KIF13A: variants seen among roughly 807,000 people sequenced by gnomAD.
KIF13A encodes kinesin-like protein KIF13A.
KIF13A carries 79 observed loss-of-function variants against 212.2 expected under a neutral mutation model. That is an observed-to-expected ratio of 0.37 (90% CI 0.31 to 0.45). KIF13A has a LOEUF of 0.45. Among genes scored for constraint, KIF13A ranks in the 20% least tolerant of loss-of-function variants. The pLI is 1.00. For synonymous variants in KIF13A, 789 were observed against 808.6 expected (o/e 0.98, Z 0.41); for missense variants, 1,901 against 2,209.0 (o/e 0.86, Z 2.79).
intron 2 of KIF13A, among the ~76,000 whole-genome samples, chr6:17,933,225 C>T (rs938073086): frequency 6.6e-6 from 1 of 152,062 alleles, no homozygotes; most frequent in Admixed American, 6.6e-5. Flanking sequence ...GATTTTACAG[C>T]ACCTATAAAA....
chr6:17,915,949 AAAAATAAAAAT>A lies in KIF13A; in HGVS notation c.147-17780_147-17770del, dbSNP rs1561757709. On this transcript the variant is annotated intron_variant, in intron 2 of 38. Coordinates refer to ENST00000259711, the MANE Select transcript of KIF13A (RefSeq NM_022113.6). This position sits in a 1 kb window ranked among gnomAD's most constrained non-coding sequence, Gnocchi z 4.4. Reference sequence around the variant, plus strand: ...GAGAGCCAGTCTCAAAAAAAAAAATAAAAATAAAAATAAAATAAAATAAAATAAATTACAGT... The same window carrying A: ...GAGAGCCAGTCTCAAAAAAAAAAATAAAAATAAAATAAAATAAATTACAGT... Among the ~76,000 whole-genome samples the A allele has an allele frequency of 2.3e-4, 29 of 125,494 alleles. No homozygotes were observed. The highest frequency in any genetic ancestry group is 7.8e-4 in the African/African-American group (23 of 29,390). 82.3% of individuals were successfully genotyped at this position (125,494 alleles called of 152,430 possible).
In KIF13A at chr6:17,895,406, G is replaced by A. The variant is rs1772473313; in HGVS notation, c.159+2762C>T. Among the ~76,000 whole-genome samples, 1 of 152,078 alleles carries A rather than the reference G, an allele frequency of 6.6e-6. No homozygotes were observed. Among genetic ancestry groups the A allele is most frequent in the Non-Finnish European group, 1.5e-5 (1 of 67,998 alleles). ...AAGACTTAGGATTTCATTTACTTCT[G>A]CCAGGTGCCTATGGGCACCTGCATT... On this transcript the variant is annotated intron_variant, in intron 3 of 38. Transcript: ENST00000259711. This position sits in a 1 kb window ranked among gnomAD's most constrained non-coding sequence, Gnocchi z 4.4.
At chr6:17,950,091 T>C (rs1414030434) in intron 2 of KIF13A, among the ~76,000 whole-genome samples, 2 of 152,154 alleles carry the variant, frequency 1.3e-5, no homozygotes, top group Non-Finnish European at 2.9e-5. Context: ...CTGACCCAAA[T>C]AGTTTTCCTA....
intron 2 of KIF13A, among the ~76,000 whole-genome samples, chr6:17,962,415 A>G (rs1245816234): frequency 6.6e-6 from 1 of 152,222 alleles, no homozygotes; most frequent in African/African-American, 2.4e-5. Flanking sequence ...AGAAGCAATA[A>G]GTCATAAGGG....
chr6:17,931,023 T>A (rs1775940597), intron 2 of KIF13A, among the ~76,000 whole-genome samples: 1 of 152,246 alleles, frequency 6.6e-6, no homozygotes, highest in Admixed American at 6.5e-5. Context: ...CATATATGCA[T>A]AATATCCTTG....
chr6:17,823,421 C>T (rs1015533609), intron 16 of KIF13A, among the ~76,000 whole-genome samples: 3 of 151,106 alleles, frequency 2.0e-5, no homozygotes, highest in Non-Finnish European at 1.5e-5. Context: ...CCCCGCCCCC[C>T]ACTTCCCCCT....
Position 17,968,041 on chromosome 6 carries a change from A to G in KIF13A, c.146+19013T>C, listed in dbSNP as rs1412139606. 1.3e-5 allele frequency among the ~76,000 whole-genome samples: 2 copies of G among 152,306 alleles called. No homozygotes were observed. Among genetic ancestry groups the G allele is most frequent in the South Asian group, 4.1e-4 (2 of 4,822 alleles). ...GGACGGCATACTGAGAATTGCCCAC[A>G]ATGCTGAGAACCCCTGGGGGACTGA... On this transcript the variant is annotated intron_variant, in intron 2 of 38. Coordinates refer to ENST00000259711, the MANE Select transcript of KIF13A (RefSeq NM_022113.6). The surrounding 1 kb of genome is among the most constrained non-coding windows in gnomAD (Gnocchi z 4.7).
chr6:17,793,856 G>A (rs561000868), intron 25 of KIF13A, among the ~76,000 whole-genome samples: 1 of 152,094 alleles, frequency 6.6e-6, no homozygotes, highest in South Asian at 2.1e-4. Flanking sequence ...CAAGGCTGCA[G>A]TGAGCCATGA....
Position 17,963,835 on chromosome 6 carries a change from G to T in KIF13A, c.146+23219C>A, listed in dbSNP as rs559923230. Among the ~76,000 whole-genome samples the T allele has an allele frequency of 6.6e-6, 1 of 152,184 alleles. No individual in the cohort carries two copies. The highest frequency in any genetic ancestry group is 2.4e-5 in the African/African-American group (1 of 41,442). ...CTCCCAAAGTGTTGGGATTACGGGC[G>T]TGAGCCACCATGCCTGGCCAATATG... On this transcript the variant is annotated intron_variant, in intron 2 of 38. Coordinates refer to ENST00000259711, the MANE Select transcript of KIF13A (RefSeq NM_022113.6). The surrounding 1 kb of genome is among the most constrained non-coding windows in gnomAD (Gnocchi z 4.1).
chr6:17,858,115 ATGCACGCATGTGTGTGTGTGTGTGT>A (rs1325855651), intron 4 of KIF13A, among the ~76,000 whole-genome samples: 1,545 of 134,074 alleles, frequency 0.012, 13 homozygotes, highest in Non-Finnish European at 0.019. Context: ...GTGTGTGTGC[ATGCACGCATGTGTGTGTGTGTGTGT>A]GAGAGAGAGA....
At position 17,777,683 on chromosome 6, in the gene KIF13A, C is replaced by T. The variant is rs1760126670; in HGVS notation, c.4093-329G>A. Among the ~76,000 whole-genome samples, 1 of 152,126 alleles carries T rather than the reference C, an allele frequency of 6.6e-6. No individual in the cohort carries two copies. On this transcript the variant is annotated intron_variant, in intron 33 of 38. Transcript: ENST00000259711. This position sits in a 1 kb window ranked among gnomAD's most constrained non-coding sequence, Gnocchi z 4.4. ...ACAGGCGTGAGCCACCGCACCCGGCCATTACTTTATTTTTTATTCTAATTA... is the reference window on the plus strand; with the variant it reads ...ACAGGCGTGAGCCACCGCACCCGGCTATTACTTTATTTTTTATTCTAATTA...
At position 17,787,738 on chromosome 6, in the gene KIF13A, A is replaced by T. The variant is rs1263401693; in HGVS notation, c.3361+38T>A. ...ACCTACTGCCATTGTGTAAAAGTGA[A>T]AAAGCTACTCCCCATAAAAGAGTTT... On this transcript the variant is annotated intron_variant, in intron 27 of 38. Coordinates refer to ENST00000259711, the MANE Select transcript of KIF13A (RefSeq NM_022113.6). This position sits in a 1 kb window ranked among gnomAD's most constrained non-coding sequence, Gnocchi z 4.6. 1 of 1,213,160 alleles carries T rather than the reference A, an allele frequency of 8.2e-7. No individual in the cohort carries two copies. The highest frequency in any genetic ancestry group is 1.2e-6 in the Non-Finnish European group (1 of 815,208). 75.1% of individuals were successfully genotyped at this position (1,213,160 alleles called of 1,614,324 possible).
intron 2 of KIF13A, among the ~76,000 whole-genome samples, chr6:17,938,068 T>A (rs9358141): frequency 2.8e-4 from 2 of 7,038 alleles, no homozygotes; most frequent in East Asian, 3.6e-3. Context: ...AATTTTAAAA[T>A]TTTTTTTGTA....
In KIF13A at chr6:17,849,618, A is replaced by C. The variant is rs1343388101; in HGVS notation, c.718-129T>G. ...ATATGGCAAATTTCTTAAGTTTTTA[A>C]ACGGTCAGAAGAGTTATTTGAACCA... On this transcript the variant is annotated intron_variant, in intron 8 of 38. Coordinates refer to ENST00000259711, the MANE Select transcript of KIF13A (RefSeq NM_022113.6). This position sits in a 1 kb window ranked among gnomAD's most constrained non-coding sequence, Gnocchi z 5.7. 4 of 583,388 alleles carry C rather than the reference A, an allele frequency of 6.9e-6. No homozygotes were observed. The highest frequency in any genetic ancestry group is 1.2e-5 in the Non-Finnish European group (4 of 335,882). 36.1% of individuals were successfully genotyped at this position (583,388 alleles called of 1,614,324 possible).
chr6:17,924,068 G>T (rs374970157), intron 2 of KIF13A, among the ~76,000 whole-genome samples: 1 of 152,000 alleles, frequency 6.6e-6, no homozygotes, highest in African/African-American at 2.4e-5. Flanking sequence ...AAATACATAT[G>T]TACAAGACTC....
At chr6:17,880,980 A>G (rs1771008663) in intron 3 of KIF13A, among the ~76,000 whole-genome samples, 3 of 152,166 alleles carry the variant, frequency 2.0e-5, no homozygotes, top group East Asian at 1.9e-4. Flanking sequence ...CATTTTATCA[A>G]TAAGAGCCAA....
chr6:17,845,071 C>A (rs1036401426), intron 9 of KIF13A, among the ~76,000 whole-genome samples: 1 of 152,124 alleles, frequency 6.6e-6, no homozygotes, highest in African/African-American at 2.4e-5. Context: ...GGGGAGGCCT[C>A]ACAATCATGA....
rs1581951267 is a variant in KIF13A, at chr6:17,795,868, G to C, written c.2942+801C>G. ...CACTTTCTGTGGCCTGAGAATATGT[G>C]ACTATCTCAAAATCCTGTGTTCTTC... On this transcript the variant is annotated intron_variant, in intron 23 of 38. Transcript: ENST00000259711. 3.3e-5 allele frequency among the ~76,000 whole-genome samples: 5 copies of C among 152,112 alleles called. No homozygotes were observed. In the South Asian group the frequency reaches 6.2e-4, roughly 19 times the overall value.
chr6:17,942,597 C>T (rs1208453664), intron 2 of KIF13A, among the ~76,000 whole-genome samples: 2 of 152,156 alleles, frequency 1.3e-5, no homozygotes, highest in Admixed American at 1.3e-4. Context: ...ATCTGGGTGC[C>T]TATCAGCCTT....
Sources: allele counts gnomAD v4.1 joint callset (sites outside exome capture counted in the v4.1 genomes callset), GRCh38; gene constraint gnomAD v4.1.1; non-coding constraint Gnocchi (gnomAD v3.1); transcripts MANE v1.5; gene names NCBI Gene and HGNC (gene_info 2026-07-23, HGNC 2026-07-21).